The following LUZP2 variants were observed in gnomAD, a reference collection of about 807,000 sequenced individuals.
The protein encoded by LUZP2 is leucine zipper protein 2.
Under a neutral mutation model 51.6 loss-of-function variants are expected in LUZP2, and 52 were observed. That is an observed-to-expected ratio of 1.01 (90% CI 0.81 to 1.27). The LOEUF (loss-of-function observed/expected upper bound fraction) is 1.27. Among genes scored for constraint, LUZP2 ranks in the 50% most tolerant of loss-of-function variants. The pLI is 0.00. For synonymous variants in LUZP2, 154 were observed against 137.3 expected (o/e 1.12, Z -0.85); for missense variants, 436 against 395.4 (o/e 1.10, Z -0.87).
chr11:24,850,109 C>T (rs975104794), intron 5 of LUZP2, among the ~76,000 whole-genome samples: 20 of 152,136 alleles, frequency 1.3e-4, no homozygotes, highest in Non-Finnish European at 2.8e-4. Context: ...TTTTGCTGTG[C>T]AGAAGCTCTT....
chr11:24,563,242 C>A (rs1035084818), intron 1 of LUZP2, among the ~76,000 whole-genome samples: 4 of 152,132 alleles, frequency 2.6e-5, no homozygotes, highest in African/African-American at 9.6e-5. Flanking sequence ...GTATAGGGAC[C>A]ACCAAAACAC....
At chr11:24,717,232 T>A (rs779635553) in intron 1 of LUZP2, among the ~76,000 whole-genome samples, 7 of 152,154 alleles carry the variant, frequency 4.6e-5, no homozygotes, top group Non-Finnish European at 1.0e-4. Flanking sequence ...TAACCTACAT[T>A]TATTAAGCAT....
At chr11:24,844,936 A>G (rs577794133) in intron 5 of LUZP2, among the ~76,000 whole-genome samples, 20 of 152,282 alleles carry the variant, frequency 1.3e-4, no homozygotes, top group African/African-American at 4.8e-4. Flanking sequence ...TGCTGCAGGG[A>G]TGGGGCCCTC....
chr11:24,697,807 A>G (rs1857292925), intron 1 of LUZP2, among the ~76,000 whole-genome samples: 1 of 152,116 alleles, frequency 6.6e-6, no homozygotes, highest in Admixed American at 6.6e-5. Flanking sequence ...TCTCCTACAG[A>G]TAACATCACC....
chr11:24,700,859 T>G (rs917521960), intron 1 of LUZP2, among the ~76,000 whole-genome samples: 1 of 151,976 alleles, frequency 6.6e-6, no homozygotes, highest in African/African-American at 2.4e-5. Flanking sequence ...GATATATATA[T>G]GATGAATGTA....
At chr11:25,069,138 T>TACCTGA (rs1327188648) in intron 10 of LUZP2, among the ~76,000 whole-genome samples, 1 of 151,970 alleles carries the variant, frequency 6.6e-6, no homozygotes, top group African/African-American at 2.4e-5. Context: ...ACTGTGTTGT[T>TACCTGA]ACCTGAGACT....
intron 5 of LUZP2, among the ~76,000 whole-genome samples, chr11:24,896,335 C>G (rs1211015378): frequency 6.6e-6 from 1 of 152,108 alleles, no homozygotes; most frequent in Admixed American, 6.5e-5. Flanking sequence ...TTGCGGGCCA[C>G]AGTGAGTTCT....
chr11:24,972,624 A>G (rs1486942867), intron 7 of LUZP2, among the ~76,000 whole-genome samples: 2 of 152,130 alleles, frequency 1.3e-5, no homozygotes, highest in Non-Finnish European at 2.9e-5. Flanking sequence ...TAATTTATTG[A>G]ACATGAAGGG....
intron 7 of LUZP2, among the ~76,000 whole-genome samples, chr11:24,963,120 G>A (rs1334020605): frequency 6.6e-6 from 1 of 152,100 alleles, no homozygotes; most frequent in Non-Finnish European, 1.5e-5. Flanking sequence ...CATTCTTCTG[G>A]AAGTTTTGTC....
intron 9 of LUZP2, among the ~76,000 whole-genome samples, chr11:25,018,121 G>T (rs986812610): frequency 6.7e-6 from 1 of 149,678 alleles, no homozygotes; most frequent in Non-Finnish European, 1.5e-5. Flanking sequence ...CTTGGTGGTT[G>T]TTGGTATATG....
intron 5 of LUZP2, among the ~76,000 whole-genome samples, chr11:24,835,088 A>G (rs954956671): frequency 5.9e-5 from 9 of 152,146 alleles, no homozygotes; most frequent in African/African-American, 1.9e-4. Context: ...CTAAAACAGC[A>G]TGATACTGGT....
At chr11:24,682,802 G>A (rs1024540770) in intron 1 of LUZP2, among the ~76,000 whole-genome samples, 2 of 151,774 alleles carry the variant, frequency 1.3e-5, no homozygotes, top group Admixed American at 1.3e-4. Flanking sequence ...TCAAGAGATC[G>A]AGACCATCCT....
chr11:24,513,729 T>G (rs895025134), intron 1 of LUZP2, among the ~76,000 whole-genome samples: 1 of 152,340 alleles, frequency 6.6e-6, no homozygotes, highest in East Asian at 1.9e-4. Flanking sequence ...AATCAGTCAA[T>G]GAATTCCATT....
At chr11:24,510,928 G>A (rs1001426037) in intron 1 of LUZP2, among the ~76,000 whole-genome samples, 2 of 152,044 alleles carry the variant, frequency 1.3e-5, no homozygotes, top group Admixed American at 1.3e-4. Flanking sequence ...CTTTGCCCTC[G>A]TGATCCAAGG....
At chr11:25,027,940 A>G (rs1857543117) in intron 9 of LUZP2, among the ~76,000 whole-genome samples, 1 of 152,102 alleles carries the variant, frequency 6.6e-6, no homozygotes, top group African/African-American at 2.4e-5. Flanking sequence ...ATAAAATCTA[A>G]GTTCCCCAGT....
At chr11:24,771,721 T>TG (rs1860425736) in intron 5 of LUZP2, among the ~76,000 whole-genome samples, 2 of 152,040 alleles carry the variant, frequency 1.3e-5, no homozygotes, top group South Asian at 4.1e-4. Context: ...TGTCAAAGGG[T>TG]GGGGGCCAGG....
At chr11:24,608,780 A>C (rs953420811) in intron 1 of LUZP2, among the ~76,000 whole-genome samples, 1 of 152,234 alleles carries the variant, frequency 6.6e-6, no homozygotes, top group Non-Finnish European at 1.5e-5. Context: ...TTTTTAAAAA[A>C]GTATTTCAGT....
intron 5 of LUZP2, among the ~76,000 whole-genome samples, chr11:24,816,985 TC>T (rs1275075993): frequency 2.6e-5 from 4 of 152,062 alleles, no homozygotes; most frequent in African/African-American, 9.7e-5. Context: ...CCCATTACCC[TC>T]AGGGATTAAA....
intron 1 of LUZP2, among the ~76,000 whole-genome samples, chr11:24,530,358 A>T (rs1397637205): frequency 6.6e-6 from 1 of 150,930 alleles, no homozygotes; most frequent in Admixed American, 6.6e-5. Flanking sequence ...TGATTAAATT[A>T]TCAGAAATAT....
Sources: allele counts gnomAD v4.1 joint callset (sites outside exome capture counted in the v4.1 genomes callset), GRCh38; gene constraint gnomAD v4.1.1; transcripts MANE v1.5; gene names NCBI Gene and HGNC (gene_info 2026-07-23, HGNC 2026-07-21).